SPATS2: variants seen among roughly 807,000 people sequenced by gnomAD.
SPATS2 encodes the protein spermatogenesis-associated serine-rich protein 2.
A neutral mutation model predicts 63.7 loss-of-function variants in SPATS2; 38 were observed. The ratio of observed to expected loss-of-function variants is 0.60; its 90% CI spans 0.46 to 0.78. SPATS2 has a LOEUF of 0.78. SPATS2 is among the 30% of genes least tolerant of loss of function. The probability of loss-of-function intolerance (pLI) is 0.00; values close to 1 mark genes in which losing one functional copy is unlikely to be tolerated. For missense variants in SPATS2, 588 were observed against 666.2 expected (o/e 0.88, Z 1.29); for synonymous variants, 207 against 232.9 (o/e 0.89, Z 1.01).
chr12:49,517,933 T>C (rs181293049), intron 10 of SPATS2, among the ~76,000 whole-genome samples: 1 of 152,316 alleles, frequency 6.6e-6, no homozygotes, highest in East Asian at 1.9e-4. Flanking sequence ...TAATGGTCTT[T>C]GCTACAGTCC....
chr12:49,503,762 C>G (rs963674253), intron 9 of SPATS2, among the ~76,000 whole-genome samples: 4 of 152,156 alleles, frequency 2.6e-5, no homozygotes, highest in Non-Finnish European at 2.9e-5. Flanking sequence ...GTCACAGGAT[C>G]TGATTCCATT....
intron 2 of SPATS2, among the ~76,000 whole-genome samples, chr12:49,453,028 G>A (rs900843927): frequency 6.6e-6 from 1 of 151,882 alleles, no homozygotes; most frequent in African/African-American, 2.4e-5. Flanking sequence ...ACGTGATGGC[G>A]GGCGCCTGTA....
intron 2 of SPATS2, among the ~76,000 whole-genome samples, chr12:49,441,443 T>C (rs1224538087): frequency 6.6e-6 from 1 of 152,184 alleles, no homozygotes; most frequent in Non-Finnish European, 1.5e-5. Flanking sequence ...TAGCTTCCTA[T>C]TTTCTCCTTA....
At chr12:49,437,674 C>G (rs533991481) in intron 2 of SPATS2, among the ~76,000 whole-genome samples, 2 of 152,338 alleles carry the variant, frequency 1.3e-5, no homozygotes, top group African/African-American at 4.8e-5. Context: ...CAAAAAAATA[C>G]GAAAACCAGT....
At chr12:49,380,389 A>G (rs1007138069) in intron 2 of SPATS2, among the ~76,000 whole-genome samples, 5 of 152,010 alleles carry the variant, frequency 3.3e-5, no homozygotes, top group South Asian at 4.2e-4. Context: ...TCTGCCTTCA[A>G]TGCCTTCCAG....
At chr12:49,374,786 C>G (rs1944064287) in intron 2 of SPATS2, among the ~76,000 whole-genome samples, 1 of 151,826 alleles carries the variant, frequency 6.6e-6, no homozygotes, top group African/African-American at 2.4e-5. Flanking sequence ...CATGGCGAAA[C>G]CTCATCTCTA....
At chr12:49,385,617 T>G (rs961292946) in intron 2 of SPATS2, among the ~76,000 whole-genome samples, 1 of 152,114 alleles carries the variant, frequency 6.6e-6, no homozygotes, top group Non-Finnish European at 1.5e-5. Context: ...TTGTGAAAAT[T>G]TTCTTACGAT....
At chr12:49,424,133 G>T (rs961589214) in intron 2 of SPATS2, among the ~76,000 whole-genome samples, 3 of 152,148 alleles carry the variant, frequency 2.0e-5, no homozygotes, top group Non-Finnish European at 4.4e-5. Context: ...AACCCGAGAG[G>T]TGGAGGTTGC....
chr12:49,425,188 AT>A (rs1945052607), intron 2 of SPATS2, among the ~76,000 whole-genome samples: 1 of 151,864 alleles, frequency 6.6e-6, no homozygotes, highest in South Asian at 2.1e-4. Context: ...CTTTTTTTAG[AT>A]TTTTAATTTC....
intron 2 of SPATS2, among the ~76,000 whole-genome samples, chr12:49,401,944 T>G (rs1944612326): frequency 6.6e-6 from 1 of 152,136 alleles, no homozygotes; most frequent in South Asian, 2.1e-4. Flanking sequence ...ATGATCCACC[T>G]GCCTGGCCTA....
intron 9 of SPATS2, among the ~76,000 whole-genome samples, chr12:49,507,142 A>T (rs1053403530): frequency 6.6e-6 from 1 of 152,222 alleles, no homozygotes; most frequent in Non-Finnish European, 1.5e-5. Context: ...CTAAATCACT[A>T]TTATTCTTAA....
intron 2 of SPATS2, among the ~76,000 whole-genome samples, chr12:49,450,648 AT>A (rs1338624154): frequency 1.3e-5 from 2 of 152,026 alleles, no homozygotes; most frequent in African/African-American, 4.8e-5. Flanking sequence ...GGTTCAAGCG[AT>A]TCTCCTGCCT....
chr12:49,395,701 C>T (rs1311165055), intron 2 of SPATS2, among the ~76,000 whole-genome samples: 2 of 152,078 alleles, frequency 1.3e-5, no homozygotes, highest in East Asian at 1.9e-4. Flanking sequence ...GCTGGGATTA[C>T]AGGCATGAGC....
At chr12:49,415,374 G>C (rs974041249) in intron 2 of SPATS2, among the ~76,000 whole-genome samples, 4 of 152,166 alleles carry the variant, frequency 2.6e-5, no homozygotes, top group African/African-American at 9.7e-5. Context: ...AGAAATGTTT[G>C]CTATATGGGA....
At chr12:49,524,638 C>G (rs1161415490) in intron 12 of SPATS2, 44 bp from the exon 13 acceptor site, 1 of 1,581,018 alleles carries the variant, frequency 6.3e-7, no homozygotes, top group South Asian at 1.1e-5. Context: ...ATCCATTGTG[C>G]TGTTCTATCA....
chr12:49,481,212 T>A (rs552554482), intron 3 of SPATS2, among the ~76,000 whole-genome samples: 73 of 152,092 alleles, frequency 4.8e-4, no homozygotes, highest in Non-Finnish European at 8.8e-4. Flanking sequence ...ATACAAAAAT[T>A]AGCCAGGCGT....
intron 2 of SPATS2, among the ~76,000 whole-genome samples, chr12:49,450,172 T>C (rs1400082291): frequency 1.3e-5 from 2 of 152,120 alleles, no homozygotes; most frequent in Non-Finnish European, 2.9e-5. Flanking sequence ...TTTTTGTAGA[T>C]GGCATACAGT....
At chr12:49,385,357 AGTGTGT>A (rs57896651) in intron 2 of SPATS2, among the ~76,000 whole-genome samples, 81 of 142,084 alleles carry the variant, frequency 5.7e-4, no homozygotes, top group South Asian at 9.3e-4. Flanking sequence ...TAAGTATATA[AGTGTGT>A]GTGTGTGTGT....
rs139718509 is a variant in SPATS2 at position 49,494,828 on chromosome 12, G to A, written c.352G>A (p.Glu118Lys). Residue 118 changes from glutamate (E) to lysine (K), a missense_variant, in exon 7 of 14, where the codon GAA becomes AAA. Glu to Lys is a moderately conservative substitution (Grantham distance 56, BLOSUM62 1). Coordinates refer to ENST00000552918, the MANE Select transcript of SPATS2 (RefSeq NM_023071.4). ...DSSKSVSIQE[E>K]QSAPSSEKGG... ...CAGTAAATCAGTTTCCATTCAAGAGGAACAGTCTGCGCCTTCCTCAGAGAA... is the reference window on the plus strand; with the variant it reads ...CAGTAAATCAGTTTCCATTCAAGAGAAACAGTCTGCGCCTTCCTCAGAGAA... 6.2e-7 allele frequency: 1 copy of A among 1,613,336 alleles called. No homozygotes were observed. Among genetic ancestry groups the A allele is most frequent in the African/African-American group, 1.3e-5 (1 of 74,762 alleles).
Sources: allele counts gnomAD v4.1 joint callset (sites outside exome capture counted in the v4.1 genomes callset), GRCh38; gene constraint gnomAD v4.1.1; transcripts MANE v1.5; gene names NCBI Gene and HGNC (gene_info 2026-07-23, HGNC 2026-07-21).